The following WFDC8 variants were observed in gnomAD, a reference collection of about 807,000 sequenced individuals.
WFDC8 encodes the protein WAP four-disulfide core domain protein 8.
Under a neutral mutation model 27.0 loss-of-function variants are expected in WFDC8, and 24 were observed. The observed-to-expected ratio is 0.89, with a 90% CI of 0.64 to 1.25. The LOEUF (loss-of-function observed/expected upper bound fraction) is 1.25. Ranked by LOEUF, WFDC8 falls within the 50% of genes most tolerant of loss-of-function variation. The pLI is 0.00. For missense variants in WFDC8, 287 were observed against 295.9 expected, an observed-to-expected ratio of 0.97 and a Z score of 0.22; for synonymous variants, 106 against 99.7, an observed-to-expected ratio of 1.06 and a Z score of -0.38.
chr20:45,553,283 T>G lies in WFDC8; in HGVS notation c.446-7A>C. 1.2e-6 allele frequency: 2 copies of G among 1,611,506 alleles called. No homozygotes were observed. The highest frequency in any genetic ancestry group is 1.7e-4 in the Middle Eastern group (1 of 6,040). ...GGGCATTGTCCATCCTTAACTAAAATAAGAGCAGATGTGAGCTTCTTAAAA... is the reference window on the plus strand; with the variant it reads ...GGGCATTGTCCATCCTTAACTAAAAGAAGAGCAGATGTGAGCTTCTTAAAA... On this transcript the variant is annotated splice_region_variant and splice_polypyrimidine_tract_variant and intron_variant, in intron 4 of 5. Coordinates refer to ENST00000289953, the MANE Select transcript of WFDC8 (RefSeq NM_130896.3).
chr20:45,555,075 C>T (rs748402125), intron 4 of WFDC8, among the ~76,000 whole-genome samples: 3 of 152,174 alleles, frequency 2.0e-5, no homozygotes, highest in Non-Finnish European at 4.4e-5. Context: ...AACAACTCAA[C>T]GAGCTGTTTG....
At chr20:45,564,107 GGTTT>G (rs1229492022) in intron 1 of WFDC8, among the ~76,000 whole-genome samples, 2 of 152,046 alleles carry the variant, frequency 1.3e-5, no homozygotes, top group African/African-American at 4.8e-5. Flanking sequence ...GTTGGACTGG[GGTTT>G]GTTTGGGCAA....
intron 1 of WFDC8, among the ~76,000 whole-genome samples, chr20:45,575,050 C>G (rs1370943071): frequency 6.6e-6 from 1 of 152,172 alleles, no homozygotes; most frequent in Non-Finnish European, 1.5e-5. Flanking sequence ...CCAGATATGA[C>G]AAGCCCACAG....
chr20:45,568,394 T>A (rs1428289811), intron 1 of WFDC8: 5 of 260,448 alleles, frequency 1.9e-5, no homozygotes, highest in Non-Finnish European at 3.2e-5. Flanking sequence ...TCATGGAGGT[T>A]ATCTCCCTTT....
rs375041591 is a variant in WFDC8 at position 45,553,183 on chromosome 20, TTGTC to T, written c.535_538del (p.Asp179AsnfsTer55). The stretch of plus-strand genomic sequence containing the variant: ...AAAGCCACACCTGGATTCACAACAT[TTGTC>T]TGTCTGGGGACAATCGATGTCACTG... On this transcript the variant is annotated frameshift_variant, in exon 5 of 6. Coordinates refer to ENST00000289953, the MANE Select transcript of WFDC8 (RefSeq NM_130896.3). LOFTEE classifies it low-confidence loss of function (END_TRUNC). 9.2e-5 allele frequency: 148 copies of T among 1,613,544 alleles called. No homozygotes were observed. The highest frequency in any genetic ancestry group is 1.2e-4 in the Non-Finnish European group (140 of 1,179,704).
At chr20:45,558,715 G>T in intron 3 of WFDC8, 137 bp downstream of exon 3, 1 of 1,039,078 alleles carries the variant, frequency 9.6e-7, no homozygotes, top group Non-Finnish European at 1.4e-6. Context: ...ACTTGTACTT[G>T]AGGGTTAGGC....
chr20:45,555,730 T>C lies in WFDC8; in HGVS notation c.416A>G (p.Asp139Gly). ...EGNANNFLNE[D>G]ACRTACMLIV... ...TAACATGCAGGCCGTTCTGCAGGCA[T>C]CCTCATTTAAGAAGTTGTTGGCATT... The change falls in exon 4 of 6, where the codon GAT (aspartate) becomes GGT (glycine). Residue 139 changes from aspartate to glycine, a missense_variant. Coordinates refer to ENST00000289953, the MANE Select transcript of WFDC8 (RefSeq NM_130896.3). The C allele has an allele frequency of 1.2e-6, 2 of 1,612,760 alleles. No individual in the cohort carries two copies. Among genetic ancestry groups the C allele is most frequent in the Non-Finnish European group, 1.7e-6 (2 of 1,180,004 alleles).
At chr20:45,568,144 C>A in intron 1 of WFDC8, 1 of 353,938 alleles carries the variant, frequency 2.8e-6, no homozygotes, top group South Asian at 3.1e-5. Context: ...ATTTCCACTA[C>A]CCAATTTCCA....
intron 1 of WFDC8, 101 bp from the exon 2 acceptor site, chr20:45,562,320 T>C (rs1260866537): frequency 1.1e-6 from 1 of 928,432 alleles, no homozygotes; most frequent in East Asian, 2.6e-5. Context: ...GTCCCTTTAG[T>C]TCACAGGTAA....
chr20:45,567,278 T>G (rs1253951047), intron 1 of WFDC8, among the ~76,000 whole-genome samples: 1 of 152,196 alleles, frequency 6.6e-6, no homozygotes, highest in African/African-American at 2.4e-5. Flanking sequence ...CAAGTTACTA[T>G]GAGGGTAAAT....
chr20:45,551,883 A>T lies in WFDC8; in HGVS notation c.*143T>A. 1 of 1,024,358 alleles carries T rather than the reference A, an allele frequency of 9.8e-7. No individual in the cohort carries two copies. The highest frequency in any genetic ancestry group is 1.4e-6 in the Non-Finnish European group (1 of 720,938). 63.5% of individuals were successfully genotyped at this position (1,024,358 alleles called of 1,614,324 possible). A position where few individuals can be genotyped will look rare whatever the true frequency, so the allele number is the denominator to read the frequency against. On this transcript the variant is annotated 3_prime_UTR_variant, in exon 6 of 6. Transcript: ENST00000289953. The stretch of plus-strand genomic sequence containing the variant: ...TATATCATCACTTTCAGATGATGGG[A>T]TTATATATAAAATCAAAGTAACATC...
At position 45,552,181 on chromosome 20, in the gene WFDC8, G is replaced by T. The variant is rs746077419; in HGVS notation, c.587-16C>A. On this transcript the variant is annotated splice_polypyrimidine_tract_variant and intron_variant, in intron 5 of 5. Transcript: ENST00000289953. ...CCTTTTTTGACTTTATGGGGTAAAA[G>T]AAAACACTTGACCTTGAAATACTTG... The T allele has an allele frequency of 3.7e-6, 6 of 1,610,420 alleles. No homozygotes were observed. Among genetic ancestry groups the T allele is most frequent in the Non-Finnish European group, 5.1e-6 (6 of 1,178,850 alleles).
At chr20:45,577,601 T>G (rs1423098571) in intron 1 of WFDC8, among the ~76,000 whole-genome samples, 1 of 149,880 alleles carries the variant, frequency 6.7e-6, no homozygotes, top group Non-Finnish European at 1.5e-5. Flanking sequence ...GGTTTCACTG[T>G]GTTGGCCAGG....
At chr20:45,558,239 C>A (rs1340244696) in intron 3 of WFDC8, among the ~76,000 whole-genome samples, 1 of 152,208 alleles carries the variant, frequency 6.6e-6, no homozygotes, top group East Asian at 1.9e-4. Context: ...AAGCCCAAAT[C>A]CTATAATAGA....
At chr20:45,562,322 C>A in intron 1 of WFDC8, 103 bp from the exon 2 acceptor site, 2 of 910,746 alleles carry the variant, frequency 2.2e-6, no homozygotes, top group South Asian at 1.5e-5. Context: ...CCCTTTAGTT[C>A]ACAGGTAAGA....
chr20:45,556,229 A>G (rs6032308), intron 3 of WFDC8, among the ~76,000 whole-genome samples: 81,691 of 152,130 alleles, frequency 0.54, 22,263 homozygotes, highest in African/African-American at 0.6. Flanking sequence ...AAAATTTGCC[A>G]TTTGATATTA....
At chr20:45,555,335 T>A (rs182548591) in intron 4 of WFDC8, among the ~76,000 whole-genome samples, 1 of 152,258 alleles carries the variant, frequency 6.6e-6, no homozygotes, top group Non-Finnish European at 1.5e-5. Flanking sequence ...CTGTCTACAC[T>A]TCATTCTTAA....
chr20:45,575,592 C>T (rs2145578867), intron 1 of WFDC8, among the ~76,000 whole-genome samples: 2 of 151,388 alleles, frequency 1.3e-5, no homozygotes, highest in Middle Eastern at 7.0e-3. Flanking sequence ...AATGCCCATA[C>T]CACCCAGAAC....
chr20:45,557,912 A>G (rs118055615), intron 3 of WFDC8, among the ~76,000 whole-genome samples: 1 of 152,292 alleles, frequency 6.6e-6, no homozygotes, highest in East Asian at 1.9e-4. Flanking sequence ...AGCCACATGG[A>G]TTCTCTGTTG....
Sources: allele counts gnomAD v4.1 joint callset (sites outside exome capture counted in the v4.1 genomes callset), GRCh38; gene constraint gnomAD v4.1.1; transcripts MANE v1.5; gene names NCBI Gene and HGNC (gene_info 2026-07-23, HGNC 2026-07-21).